The following SH3RF3 variants were observed in gnomAD, a reference collection of about 807,000 sequenced individuals.
SH3RF3 encodes the protein E3 ubiquitin-protein ligase SH3RF3.
SH3RF3 carries 29 observed loss-of-function variants against 66.3 expected under a neutral mutation model. That is an observed-to-expected ratio of 0.44 (90% confidence interval 0.33 to 0.60). The LOEUF (loss-of-function observed/expected upper bound fraction) is 0.60. SH3RF3 is among the 20% of genes least tolerant of loss of function. The probability of loss-of-function intolerance (pLI) is 0.04; values close to 1 mark genes in which losing one functional copy is unlikely to be tolerated. For synonymous variants in SH3RF3, 583 were observed against 532.0 expected, an observed-to-expected ratio of 1.10 and a Z score of -1.32; for missense variants, 1,194 against 1,190.9, an observed-to-expected ratio of 1.00 and a Z score of -0.04.
rs190143811 is a variant in SH3RF3 at position 109,402,568 on chromosome 2, C to A, written c.1299+3625C>A. ...GCCTACAGCATGGGGCAGTGCTGGC[C>A]CCAGCAAGGGCCACTGCAGCAGCCA... On this transcript the variant is annotated intron_variant, in intron 4 of 9. Coordinates refer to ENST00000309415, the MANE Select transcript of SH3RF3 (RefSeq NM_001099289.3). 2.1e-4 allele frequency among the ~76,000 whole-genome samples: 32 copies of A among 152,340 alleles called. 1 individual carries two copies. Among genetic ancestry groups the A allele is most frequent in the Admixed American group, 1.7e-3 (26 of 15,312 alleles).
At chr2:109,445,756 G>T (rs554134178) in intron 7 of SH3RF3, among the ~76,000 whole-genome samples, 2 of 152,142 alleles carry the variant, frequency 1.3e-5, no homozygotes, top group Non-Finnish European at 2.9e-5. Context: ...GAAGTAGAGA[G>T]GGGGGTTGGC....
chr2:109,288,560 C>T (rs1447728550), intron 1 of SH3RF3, among the ~76,000 whole-genome samples: 1 of 152,224 alleles, frequency 6.6e-6, no homozygotes, highest in African/African-American at 2.4e-5. Context: ...TCTGGAGTCA[C>T]CTCCATTTCC....
intron 1 of SH3RF3, among the ~76,000 whole-genome samples, chr2:109,153,824 G>A (rs1677277127): frequency 6.6e-6 from 1 of 152,230 alleles, no homozygotes; most frequent in South Asian, 2.1e-4. Flanking sequence ...GAGATTTCCT[G>A]CAGACCTGCT....
chr2:109,299,788 C>A lies in SH3RF3; in HGVS notation c.574-47886C>A, dbSNP rs894898408. Among the ~76,000 whole-genome samples the A allele has an allele frequency of 2.6e-5, 4 of 152,080 alleles. No homozygotes were observed. The South Asian group carries it at 8.3e-4, about 32-fold the overall frequency. ...TGGCAGCACCAGATGGAGGATGTGGCCGTGGTGTGGGCTCGTTTATTTATT... is the reference window on the plus strand; with the variant it reads ...TGGCAGCACCAGATGGAGGATGTGGACGTGGTGTGGGCTCGTTTATTTATT... On this transcript the variant is annotated intron_variant, in intron 1 of 9. Transcript: ENST00000309415.
chr2:109,465,899 T>A (rs1218265701), intron 8 of SH3RF3, among the ~76,000 whole-genome samples: 9 of 151,978 alleles, frequency 5.9e-5, no homozygotes, highest in Admixed American at 5.9e-4. Context: ...GAAATCTGCT[T>A]CCACGACCAT....
chr2:109,318,333 G>A (rs968354502), intron 1 of SH3RF3, among the ~76,000 whole-genome samples: 4 of 152,038 alleles, frequency 2.6e-5, no homozygotes, highest in Non-Finnish European at 5.9e-5. Context: ...CCGGCCCCCA[G>A]CCCGGTCCCC....
At chr2:109,380,149 G>T (rs933917736) in intron 3 of SH3RF3, among the ~76,000 whole-genome samples, 1 of 152,188 alleles carries the variant, frequency 6.6e-6, no homozygotes, top group African/African-American at 2.4e-5. Flanking sequence ...GGTGTTCATT[G>T]TAGTTTGGGT....
chr2:109,243,557 C>T (rs899221582), intron 1 of SH3RF3, among the ~76,000 whole-genome samples: 1 of 152,160 alleles, frequency 6.6e-6, no homozygotes, highest in East Asian at 1.9e-4. Context: ...ACCATGGGAA[C>T]CTATAATGGA....
Position 109,261,820 on chromosome 2 carries a change from C to A in SH3RF3, c.574-85854C>A, listed in dbSNP as rs150085019. The stretch of plus-strand genomic sequence containing the variant: ...GTCACCCTACTGGTCAGCCTCCCCA[C>A]CCCTTCACTTATAGTAGGGAAACTG... On this transcript the variant is annotated intron_variant, in intron 1 of 9. Coordinates refer to ENST00000309415, the MANE Select transcript of SH3RF3 (RefSeq NM_001099289.3). 7.5e-3 allele frequency among the ~76,000 whole-genome samples: 1,148 copies of A among 152,278 alleles called. 17 individuals are homozygous for A. Among genetic ancestry groups the A allele is most frequent in the African/African-American group, 0.027 (1,106 of 41,568 alleles).
chr2:109,378,069 C>T (rs1393114671), intron 3 of SH3RF3, among the ~76,000 whole-genome samples: 10 of 152,196 alleles, frequency 6.6e-5, no homozygotes, highest in Admixed American at 5.2e-4. Context: ...CTGGGCCAGG[C>T]GGGATGTGTT....
At chr2:109,324,292 A>G (rs1682097940) in intron 1 of SH3RF3, among the ~76,000 whole-genome samples, 1 of 152,170 alleles carries the variant, frequency 6.6e-6, no homozygotes, top group Non-Finnish European at 1.5e-5. Flanking sequence ...TTTTTTGTGG[A>G]CAGGTTTCCA....
Position 109,428,494 on chromosome 2 carries a change from C to T in SH3RF3, c.1404-4007C>T, listed in dbSNP as rs72947104. 6.2e-3 allele frequency among the ~76,000 whole-genome samples: 940 copies of T among 152,320 alleles called. 7 individuals carry two copies. Among genetic ancestry groups the T allele is most frequent in the African/African-American group, 0.021 (881 of 41,570 alleles). ...CCGCCAGCCTATCTTGTCTGTGCAC[C>T]GTCCCGGGTGTGGTGAGCCCCTGGC... On this transcript the variant is annotated intron_variant, in intron 5 of 9. Transcript: ENST00000309415.
At position 109,376,235 on chromosome 2, in the gene SH3RF3, GT is replaced by G. The variant is rs1673164972; in HGVS notation, c.945+4557del. ...GCTGAATGGGTTTGAAGGCAGGGCA[GT>G]TTCCTGCCTGGGTGAGGTTTGCAGT... is the stretch of plus-strand genomic sequence containing the variant. On this transcript the variant is annotated intron_variant, in intron 3 of 9. Transcript: ENST00000309415. Among the ~76,000 whole-genome samples the G allele has an allele frequency of 2.0e-5, 3 of 152,392 alleles. No individual in the cohort carries two copies. The South Asian group carries it at 6.2e-4, about 32-fold the overall frequency.
chr2:109,160,229 C>T (rs931512143), intron 1 of SH3RF3, among the ~76,000 whole-genome samples: 3 of 152,162 alleles, frequency 2.0e-5, no homozygotes, highest in Non-Finnish European at 2.9e-5. Flanking sequence ...CCAGGTCAGT[C>T]GGTAGCTGCT....
Position 109,502,606 on chromosome 2 carries a change from G to A in SH3RF3, c.*935G>A, listed in dbSNP as rs1025638208. On this transcript the variant is annotated 3_prime_UTR_variant, in exon 10 of 10. Transcript: ENST00000309415. ...CATTGAGGGGGTCGGAGGGAGCTTG[G>A]AAGCAGCCGGTTTCTTTAAACTCTT... The A allele has an allele frequency of 6.6e-6, 1 of 152,182 alleles. No homozygotes were observed. The highest frequency in any genetic ancestry group is 1.5e-5 in the Non-Finnish European group (1 of 68,046). 9.4% of individuals were successfully genotyped at this position (152,182 alleles called of 1,614,324 possible). A position where few individuals can be genotyped will look rare whatever the true frequency, so the allele number is the denominator to read the frequency against.
chr2:109,358,461 TA>T (rs1682995153), intron 2 of SH3RF3, among the ~76,000 whole-genome samples: 1 of 152,252 alleles, frequency 6.6e-6, no homozygotes, highest in Admixed American at 6.5e-5. Flanking sequence ...CCTAGTTTTG[TA>T]AGAAATTTCC....
chr2:109,477,742 C>T (rs1016500375), intron 8 of SH3RF3, among the ~76,000 whole-genome samples: 3 of 152,098 alleles, frequency 2.0e-5, no homozygotes, highest in Non-Finnish European at 4.4e-5. Context: ...TGAGGACTGG[C>T]TTCCTGGTTC....
intron 8 of SH3RF3, among the ~76,000 whole-genome samples, chr2:109,465,996 G>T (rs1441795068): frequency 6.6e-6 from 1 of 151,710 alleles, no homozygotes; most frequent in East Asian, 1.9e-4. Context: ...ATGAGCTATG[G>T]TGGGGACACA....
At chr2:109,473,976 G>A (rs1342241531) in intron 8 of SH3RF3, among the ~76,000 whole-genome samples, 2 of 152,182 alleles carry the variant, frequency 1.3e-5, no homozygotes, top group East Asian at 1.9e-4. Flanking sequence ...ACTCTGTCCT[G>A]GAAGGTGCTG....
Sources: allele counts gnomAD v4.1 joint callset (sites outside exome capture counted in the v4.1 genomes callset), GRCh38; gene constraint gnomAD v4.1.1; transcripts MANE v1.5; gene names NCBI Gene and HGNC (gene_info 2026-07-23, HGNC 2026-07-21).